The following DNAH8 variants were observed in gnomAD, a reference collection of about 807,000 sequenced individuals.
The protein encoded by DNAH8 is dynein axonemal heavy chain 8.
In DNAH8, 382 loss-of-function variants were observed where a neutral mutation model predicts 562.1. The ratio of observed to expected loss-of-function variants is 0.68; its 90% CI spans 0.63 to 0.74. DNAH8 has a LOEUF of 0.74. Ranked by LOEUF, DNAH8 falls within the 30% of genes least tolerant of loss-of-function variation. The probability of loss-of-function intolerance (pLI) is 0.00; values close to 1 mark genes in which losing one functional copy is unlikely to be tolerated. For missense variants in DNAH8, 5,203 were observed against 5,620.4 expected (o/e 0.93, Z 2.37); for synonymous variants, 1,881 against 1,919.4 (o/e 0.98, Z 0.52).
At chr6:38,770,653 A>G in intron 12 of DNAH8, 94 bp downstream of exon 12, 1 of 1,202,200 alleles carries the variant, frequency 8.3e-7, no homozygotes, top group Non-Finnish European at 1.1e-6. Context: ...ATTGTTCCTG[A>G]TCTCTTGTCC....
At chr6:38,780,095 A>G in intron 15 of DNAH8, 30 bp downstream of exon 15, 1 of 1,588,012 alleles carries the variant, frequency 6.3e-7, no homozygotes, top group Non-Finnish European at 8.6e-7. Context: ...ATAAAATGGT[A>G]CATTAGCACA....
At position 38,832,397 on chromosome 6, in the gene DNAH8, C is replaced by T. The variant is rs532828311; in HGVS notation, c.4264C>T (p.Arg1422Cys). 17 of 1,613,038 alleles carry T rather than the reference C, an allele frequency of 1.1e-5. No individual in the cohort carries two copies. Among genetic ancestry groups the T allele is most frequent in the African/African-American group, 9.3e-5 (7 of 75,006 alleles). Residue 1422 changes from arginine to cysteine, a missense_variant, in exon 31 of 93, where the codon CGT becomes TGT. Arg to Cys is a radical substitution (Grantham distance 180). Coordinates refer to ENST00000327475, the MANE Select transcript of DNAH8 (RefSeq NM_001206927.2). Reference protein sequence around the residue: ...SNLLESVEVFREDVINFAEAY... With the variant: ...SNLLESVEVFCEDVINFAEAY... ...TCTACTTGAGTCTGTGGAAGTTTTT[C>T]GTGAGGACGTGATAAACTTTGCAGA...
intron 92 of DNAH8, among the ~76,000 whole-genome samples, chr6:39,029,545 A>C (rs1385051754): frequency 3.9e-5 from 6 of 152,102 alleles, no homozygotes; most frequent in Admixed American, 6.5e-5. Flanking sequence ...TGTATGAGAG[A>C]GACACTGGGG....
chr6:38,847,664 T>C (rs2150381279), intron 36 of DNAH8, among the ~76,000 whole-genome samples: 1 of 152,302 alleles, frequency 6.6e-6, no homozygotes, highest in South Asian at 2.1e-4. Context: ...CACTCTGTCC[T>C]AGATCAGAAG....
rs61757623 is a variant in DNAH8, at chr6:38,838,025, G to A, written c.4449G>A (p.Glu1483=). The change falls in exon 33 of 93, where the codon GAG becomes GAA. Residue 1483 remains glutamate, a synonymous_variant. Transcript: ENST00000327475. ...QLFGLPVTDY[E]VLHKTRKELN... is the part of the protein sequence containing the mutation. ...TTGGATTGCCTGTGACTGATTATGA[G>A]GTTTTACACAAAACCAGGTAAGTTT... is the stretch of plus-strand genomic sequence containing the variant. The A allele has an allele frequency of 1.0e-3, 1,682 of 1,608,128 alleles. 15 individuals carry two copies. In the African/African-American group the frequency reaches 0.02, roughly 19 times the overall value.
At chr6:38,859,474 T>TA (rs1399717044) in intron 42 of DNAH8, among the ~76,000 whole-genome samples, 1 of 152,196 alleles carries the variant, frequency 6.6e-6, no homozygotes, top group Non-Finnish European at 1.5e-5. Context: ...CATTGTATAG[T>TA]AGCCACGAGT....
At chr6:38,957,806 A>G (rs1376844353) in intron 82 of DNAH8, among the ~76,000 whole-genome samples, 1 of 150,924 alleles carries the variant, frequency 6.6e-6, no homozygotes, top group East Asian at 2.0e-4. Context: ...ACAACACACC[A>G]TAATCTATGG....
chr6:39,003,937 C>T (rs1765639419), intron 88 of DNAH8, among the ~76,000 whole-genome samples: 1 of 152,076 alleles, frequency 6.6e-6, no homozygotes, highest in Admixed American at 6.6e-5. Context: ...TTCTTTTCTT[C>T]TTCTTCCTTT....
intron 21 of DNAH8, among the ~76,000 whole-genome samples, chr6:38,802,467 T>A (rs544794668): frequency 6.6e-6 from 1 of 152,340 alleles, no homozygotes; most frequent in African/African-American, 2.4e-5. Context: ...CTTATTGAAC[T>A]TTATAAACTA....
intron 91 of DNAH8, among the ~76,000 whole-genome samples, chr6:39,013,586 T>G (rs1046565791): frequency 2.0e-5 from 3 of 152,192 alleles, no homozygotes; most frequent in African/African-American, 7.2e-5. Flanking sequence ...GAGCGATGGC[T>G]CACGCTTGTA....
rs775880026 is a variant in DNAH8 at position 38,864,027 on chromosome 6, T to C, written c.6465T>C (p.Asp2155=). ...QFIFSDGDCV[D]LNPEFGIFLT... Reference sequence around the variant, plus strand: ...TTTTTTCTGATGGTGATTGTGTTGATTTAAATCCAGAATTTGGAATCTTCT... The same window carrying C: ...TTTTTTCTGATGGTGATTGTGTTGACTTAAATCCAGAATTTGGAATCTTCT... Residue 2155 remains aspartate, a synonymous_variant, in exon 45 of 93, where the codon GAT becomes GAC. Coordinates refer to ENST00000327475, the MANE Select transcript of DNAH8 (RefSeq NM_001206927.2). 3.7e-6 allele frequency: 6 copies of C among 1,608,050 alleles called. No individual in the cohort carries two copies. In the South Asian group the frequency reaches 6.8e-5, roughly 18 times the overall value.
At chr6:38,879,280 A>G (rs1175601648) in intron 53 of DNAH8, among the ~76,000 whole-genome samples, 18 of 147,210 alleles carry the variant, frequency 1.2e-4, no homozygotes, top group Non-Finnish European at 1.5e-5. Context: ...AAACCAGAGA[A>G]AGACATTCCA....
Position 38,786,894 on chromosome 6 carries a change from A to G in DNAH8, c.2525A>G (p.Gln842Arg), listed in dbSNP as rs1340407009. 1 of 1,612,140 alleles carries G rather than the reference A, an allele frequency of 6.2e-7. No homozygotes were observed. Among genetic ancestry groups the G allele is most frequent in the African/African-American group, 1.3e-5 (1 of 75,002 alleles). ...AAAATGAAGTTGGATGTACCAGAAC[A>G]GGCAAAGAGATTGCTAAAATTGGAA... Reference protein sequence around the residue: ...MIKMKLDVPEQAKRLLKLESK... With the variant: ...MIKMKLDVPERAKRLLKLESK... The change falls in exon 18 of 93, where the codon CAG (glutamine) becomes CGG (arginine). Residue 842 changes from glutamine to arginine, a missense_variant. By Grantham distance (43) the Gln-to-Arg change is conservative. Transcript: ENST00000327475.
chr6:38,728,526 G>GA (rs1263549295), intron 3 of DNAH8, among the ~76,000 whole-genome samples: 1 of 148,614 alleles, frequency 6.7e-6, no homozygotes, highest in Non-Finnish European at 1.5e-5. Flanking sequence ...CTGCTTTTGA[G>GA]AATTTGTATG....
At chr6:38,944,951 T>C (rs533051789) in intron 79 of DNAH8, among the ~76,000 whole-genome samples, 1 of 151,784 alleles carries the variant, frequency 6.6e-6, no homozygotes, top group East Asian at 2.0e-4. Context: ...CCTCCTTCCT[T>C]AACCCTAACC....
At position 38,862,309 on chromosome 6, in the gene DNAH8, G is replaced by A. The variant is rs1776699441; in HGVS notation, c.6161G>A (p.Gly2054Asp). The change falls in exon 44 of 93, where the codon GGC (glycine) becomes GAC (aspartate). Residue 2054 changes from glycine to aspartate, a missense_variant. Coordinates refer to ENST00000327475, the MANE Select transcript of DNAH8 (RefSeq NM_001206927.2). ...TATATCACGTTAGCTCAGGCCTTGG[G>A]CATGAACATGGGAGGTGCTCCCGCA... ...RCYITLAQAL[G>D]MNMGGAPAGP... is the part of the protein sequence containing the mutation. The A allele has an allele frequency of 6.2e-7, 1 of 1,614,032 alleles. No homozygotes were observed.
In DNAH8 at chr6:38,766,139, ATG is replaced by A. The variant is rs145206381; in HGVS notation, c.1618-4258_1618-4257del. ...TGTATGTATATATGTATGTGTTTGT[ATG>A]TGTGTGTGTGTGTGTTTGTGTATGG... On this transcript the variant is annotated intron_variant, in intron 11 of 92. Transcript: ENST00000327475. Among the ~76,000 whole-genome samples the A allele has an allele frequency of 1.9e-3, 288 of 150,884 alleles. 1 individual carries two copies. The highest frequency in any genetic ancestry group is 3.2e-3 in the Admixed American group (49 of 15,156).
At chr6:38,790,431 A>G (rs756270872) in intron 20 of DNAH8, 26 bp downstream of exon 20, 4 of 1,074,522 alleles carry the variant, frequency 3.7e-6, no homozygotes, top group Non-Finnish European at 5.6e-6. Context: ...TTAAAAAGCT[A>G]TCAACATATA....
chr6:38,774,824 G>A (rs565709590), intron 12 of DNAH8, among the ~76,000 whole-genome samples: 86 of 152,224 alleles, frequency 5.6e-4, no homozygotes, highest in Non-Finnish European at 6.9e-4. Context: ...TATAGAGCAT[G>A]CGCAGCATGC....
Sources: gnomAD v4.1 joint callset for allele counts (sites outside exome capture counted in the v4.1 genomes callset) on GRCh38, gnomAD v4.1.1 for gene constraint, MANE v1.5 for transcripts, NCBI Gene and HGNC (gene_info 2026-07-23, HGNC 2026-07-21) for gene names.